RPH3A: variants seen among roughly 807,000 people sequenced by gnomAD.
RPH3A encodes the protein rabphilin-3A.
A neutral mutation model predicts 102.2 loss-of-function variants in RPH3A; 48 were observed. The ratio of observed to expected loss-of-function variants is 0.47; its 90% CI spans 0.37 to 0.60. The LOEUF (loss-of-function observed/expected upper bound fraction) is 0.60. Ranked by LOEUF, RPH3A falls within the 20% of genes least tolerant of loss-of-function variation. The probability of loss-of-function intolerance (pLI) is 0.00; values close to 1 mark genes in which losing one functional copy is unlikely to be tolerated. For missense variants in RPH3A, 781 were observed against 910.1 expected, an observed-to-expected ratio of 0.86 and a Z score of 1.83; for synonymous variants, 310 against 324.3, an observed-to-expected ratio of 0.96 and a Z score of 0.47.
chr12:112,636,043 A>G (rs2039846750), intron 1 of RPH3A, among the ~76,000 whole-genome samples: 1 of 152,234 alleles, frequency 6.6e-6, no homozygotes, highest in Non-Finnish European at 1.5e-5. Flanking sequence ...AACATGATAT[A>G]AGCTTATTTC....
intron 1 of RPH3A, among the ~76,000 whole-genome samples, chr12:112,743,117 G>C (rs2040721422): frequency 6.6e-6 from 1 of 152,196 alleles, no homozygotes; most frequent in Non-Finnish European, 1.5e-5. Flanking sequence ...CCAGATAATA[G>C]AGAATCATCT....
intron 1 of RPH3A, among the ~76,000 whole-genome samples, chr12:112,713,023 C>CTCCTCT (rs2040485463): frequency 1.9e-5 from 1 of 52,816 alleles, no homozygotes; most frequent in South Asian, 9.9e-4. Flanking sequence ...CTTCCTCTTC[C>CTCCTCT]TCTTCTTCTT....
intron 1 of RPH3A, among the ~76,000 whole-genome samples, chr12:112,699,719 A>T (rs2040378942): frequency 1.3e-5 from 2 of 152,234 alleles, no homozygotes; most frequent in Non-Finnish European, 1.5e-5. Context: ...AACTCATCAA[A>T]CTGCACGCTT....
intron 1 of RPH3A, among the ~76,000 whole-genome samples, chr12:112,736,069 A>C (rs946160078): frequency 1.3e-5 from 2 of 152,034 alleles, no homozygotes; most frequent in South Asian, 2.1e-4. Context: ...ACATCCTTAA[A>C]AGCCCAGCTC....
intron 1 of RPH3A, among the ~76,000 whole-genome samples, chr12:112,692,387 C>T (rs569034609): frequency 3.0e-4 from 46 of 152,142 alleles, no homozygotes; most frequent in African/African-American, 1.1e-3. Context: ...TTGAGCTGAT[C>T]ACTATATATG....
At position 112,869,934 on chromosome 12, in the gene RPH3A, C is replaced by T. The variant is rs1294387266; in HGVS notation, c.691C>T (p.Pro231Ser). 3.4e-5 allele frequency: 55 copies of T among 1,613,992 alleles called. No homozygotes were observed. The Admixed American group carries it at 8.2e-4, about 24-fold the overall frequency. The change falls in exon 10 of 22, where the codon CCT becomes TCT. Residue 231 changes from proline to serine, a missense_variant. Transcript: ENST00000389385. ...TGCTCCCGGGCGAGGAAACTATGGG[C>T]CTCCCGTGCGCAGGGCCTCCGAGGC... ...ASAPGRGNYG[P>S]PVRRASEARM...
intron 2 of RPH3A, among the ~76,000 whole-genome samples, chr12:112,818,107 T>C (rs937703608): frequency 6.6e-5 from 10 of 151,848 alleles, no homozygotes; most frequent in African/African-American, 2.2e-4. Flanking sequence ...GGTCAGGAGA[T>C]CGAGACCATG....
chr12:112,648,236 C>T (rs2039945986), intron 1 of RPH3A, among the ~76,000 whole-genome samples: 1 of 151,804 alleles, frequency 6.6e-6, no homozygotes, highest in African/African-American at 2.4e-5. Context: ...TTTTACTTGA[C>T]CTAATAACAT....
intron 1 of RPH3A, among the ~76,000 whole-genome samples, chr12:112,630,259 A>G (rs2135985480): frequency 6.6e-6 from 1 of 152,282 alleles, no homozygotes; most frequent in East Asian, 1.9e-4. Flanking sequence ...CCCATATCTT[A>G]TCAACTCCTT....
intron 1 of RPH3A, among the ~76,000 whole-genome samples, chr12:112,634,028 A>G (rs1228499750): frequency 6.6e-6 from 1 of 152,214 alleles, no homozygotes; most frequent in African/African-American, 2.4e-5. Context: ...GGTGACAGTG[A>G]TGCTCATGTT....
rs34294777 is a variant in RPH3A at position 112,765,246 on chromosome 12, TTGTGTGTG to T, written c.-139-26865_-139-26858del. 7.1e-3 allele frequency among the ~76,000 whole-genome samples: 1,007 copies of T among 141,744 alleles called. 14 individuals carry two copies. The highest frequency in any genetic ancestry group is 0.024 in the African/African-American group (926 of 37,848). The allele number at this position is 141,744 out of a possible 152,430, so 93.0% of individuals were successfully genotyped here. On this transcript the variant is annotated intron_variant, in intron 1 of 21. Coordinates refer to the RPH3A transcript ENST00000543106. The stretch of plus-strand genomic sequence containing the variant: ...AGGTGCAATGTTTCAGTCATGGTGA[TTGTGTGTG>T]TGTGTGTGTGTGTGTGTGTGTGTGT...
At position 112,857,142 on chromosome 12, in the gene RPH3A, C is replaced by T. The variant is rs375471230; in HGVS notation, c.231-8272C>T. On this transcript the variant is annotated intron_variant, in intron 5 of 21. Coordinates refer to ENST00000389385, the MANE Select transcript of RPH3A (RefSeq NM_001143854.2). The stretch of plus-strand genomic sequence containing the variant: ...CATGTAAACACCTGAAGAAAGTGAC[C>T]GGAACCTCACAGGGTCAAAAGCTTG... 5.3e-5 allele frequency among the ~76,000 whole-genome samples: 8 copies of T among 152,160 alleles called. No individual in the cohort carries two copies. The East Asian group carries it at 9.7e-4, about 18-fold the overall frequency.
intron 1 of RPH3A, among the ~76,000 whole-genome samples, chr12:112,715,871 T>G (rs1345135474): frequency 6.6e-6 from 1 of 152,184 alleles, no homozygotes; most frequent in Non-Finnish European, 1.5e-5. Context: ...GTTACCCATT[T>G]TTGTGGTTAT....
intron 1 of RPH3A, among the ~76,000 whole-genome samples, chr12:112,720,314 C>T (rs914840383): frequency 6.6e-6 from 1 of 152,224 alleles, no homozygotes; most frequent in Admixed American, 6.5e-5. Context: ...AGCTAGGCAT[C>T]TGAACATAAT....
At chr12:112,857,057 GTGTGTC>G (rs1262798193) in intron 5 of RPH3A, among the ~76,000 whole-genome samples, 1 of 152,168 alleles carries the variant, frequency 6.6e-6, no homozygotes, top group Non-Finnish European at 1.5e-5. Context: ...GTGTGTGTGT[GTGTGTC>G]TGTGTCTGTG....
At chr12:112,877,415 CG>C (rs2042823415) in intron 13 of RPH3A, among the ~76,000 whole-genome samples, 2 of 120,740 alleles carry the variant, frequency 1.7e-5, no homozygotes, top group African/African-American at 3.4e-5. Flanking sequence ...CACACACACA[CG>C]TATACACACA....
intron 5 of RPH3A, among the ~76,000 whole-genome samples, chr12:112,863,562 C>A (rs2042557001): frequency 6.6e-6 from 1 of 152,178 alleles, no homozygotes; most frequent in African/African-American, 2.4e-5. Context: ...TCAGGTAATC[C>A]AACAACTTGG....
At chr12:112,837,826 C>T (rs1415229903) in intron 4 of RPH3A, 1 of 455,886 alleles carries the variant, frequency 2.2e-6, no homozygotes, top group Admixed American at 2.4e-5. Flanking sequence ...TGTTCATCCT[C>T]TTCCCCTCTG....
chr12:112,890,355 G>A (rs1245897741), intron 18 of RPH3A, among the ~76,000 whole-genome samples: 2 of 152,148 alleles, frequency 1.3e-5, no homozygotes, highest in Non-Finnish European at 2.9e-5. Context: ...TACTGACTAG[G>A]GCAATGGCAC....
Sources: gnomAD v4.1 joint callset for allele counts (sites outside exome capture counted in the v4.1 genomes callset) on GRCh38, gnomAD v4.1.1 for gene constraint, MANE v1.5 for transcripts, NCBI Gene and HGNC (gene_info 2026-07-23, HGNC 2026-07-21) for gene names.